The following ASB7 variants were observed in gnomAD, a reference collection of about 807,000 sequenced individuals.
ASB7 encodes the protein ankyrin repeat and SOCS box protein 7.
In ASB7, 4 loss-of-function variants were observed where a neutral mutation model predicts 32.5. The ratio of observed to expected loss-of-function variants is 0.12; its 90% CI spans 0.06 to 0.28. ASB7 has a LOEUF of 0.28. Among genes scored for constraint, ASB7 ranks in the 10% least tolerant of loss-of-function variants. The pLI is 1.00. For missense variants in ASB7, 181 were observed against 407.1 expected (o/e 0.44, Z 4.78); for synonymous variants, 172 against 155.6 (o/e 1.11, Z -0.78).
At chr15:100,619,630 A>G (rs1478862240) in intron 4 of ASB7, among the ~76,000 whole-genome samples, 1 of 152,214 alleles carries the variant, frequency 6.6e-6, no homozygotes. Flanking sequence ...TCACTCACCC[A>G]CCTAGAAATT....
At chr15:100,633,338 A>T (rs552488714) in intron 5 of ASB7, among the ~76,000 whole-genome samples, 9 of 152,010 alleles carry the variant, frequency 5.9e-5, no homozygotes, top group African/African-American at 1.9e-4. Context: ...GCACTTTGGG[A>T]GGCTGAGGCG....
chr15:100,646,282 C>T, intron 5 of ASB7: 1 of 392,970 alleles, frequency 2.5e-6, no homozygotes, highest in Non-Finnish European at 5.1e-6. Context: ...TTCCAAGGAC[C>T]AGATTCGAGA....
At chr15:100,636,673 C>T (rs564565453) in intron 5 of ASB7, among the ~76,000 whole-genome samples, 14 of 152,292 alleles carry the variant, frequency 9.2e-5, no homozygotes, top group Middle Eastern at 6.8e-3. Context: ...CAAGTCCCTC[C>T]GTTTTAAAAA....
rs569309804 is a variant in ASB7, at chr15:100,650,163, C to T, written c.*1701C>T. ...TGGCCCATAGACTCTTTGGCATAGACTCTTTCGCAGGCAGCCACTCTGAGT... is the reference window on the plus strand; with the variant it reads ...TGGCCCATAGACTCTTTGGCATAGATTCTTTCGCAGGCAGCCACTCTGAGT... On this transcript the variant is annotated 3_prime_UTR_variant, in exon 6 of 6. Transcript: ENST00000332783. The T allele has an allele frequency of 1.8e-4, 28 of 152,404 alleles. No homozygotes were observed. The highest frequency in any genetic ancestry group is 5.3e-4 in the African/African-American group (22 of 41,576). The allele number at this position is 152,404 out of a possible 1,614,324, so 9.4% of individuals were successfully genotyped here. A position where few individuals can be genotyped will look rare whatever the true frequency, so the allele number is the denominator to read the frequency against.
At chr15:100,639,029 C>A (rs1251155815) in intron 5 of ASB7, among the ~76,000 whole-genome samples, 1 of 152,152 alleles carries the variant, frequency 6.6e-6, no homozygotes, top group Non-Finnish European at 1.5e-5. Context: ...GGAGGCTGAG[C>A]TGAGGCAGTG....
At position 100,648,849 on chromosome 15, in the gene ASB7, T is replaced by C. The variant is rs2040012549; in HGVS notation, c.*387T>C. On this transcript the variant is annotated 3_prime_UTR_variant, in exon 6 of 6. Transcript: ENST00000332783. ...GTATTCTAAACCAGCAGAGCACTTG[T>C]TAACGTTTGGAGGCACAGTTTCACC... The C allele has an allele frequency of 6.5e-6, 1 of 154,596 alleles. No homozygotes were observed. The highest frequency in any genetic ancestry group is 1.4e-5 in the Non-Finnish European group (1 of 69,506). 9.6% of individuals were successfully genotyped at this position (154,596 alleles called of 1,614,324 possible). A position where few individuals can be genotyped will look rare whatever the true frequency, so the allele number is the denominator to read the frequency against.
chr15:100,628,935 C>T (rs1284777170), intron 4 of ASB7, among the ~76,000 whole-genome samples: 1 of 152,024 alleles, frequency 6.6e-6, no homozygotes, highest in East Asian at 1.9e-4. Context: ...CACAGAAAAA[C>T]TTTTTTTTAT....
At chr15:100,626,025 A>T (rs540687700) in intron 4 of ASB7, among the ~76,000 whole-genome samples, 1 of 152,332 alleles carries the variant, frequency 6.6e-6, no homozygotes, top group South Asian at 2.1e-4. Context: ...CTATTGATCT[A>T]AATGTGAGAG....
At chr15:100,603,620 C>G (rs568464675) in intron 2 of ASB7, among the ~76,000 whole-genome samples, 1 of 152,208 alleles carries the variant, frequency 6.6e-6, no homozygotes, top group African/African-American at 2.4e-5. Context: ...TGTAGCTACC[C>G]TCCCTTCCTT....
At chr15:100,633,691 A>C (rs902825900) in intron 5 of ASB7, among the ~76,000 whole-genome samples, 3 of 151,356 alleles carry the variant, frequency 2.0e-5, no homozygotes, top group Non-Finnish European at 4.4e-5. Context: ...AAGGAGGGGA[A>C]GGAAGGAGGA....
chr15:100,611,093 G>GT (rs1219403191), intron 3 of ASB7, among the ~76,000 whole-genome samples: 2 of 152,178 alleles, frequency 1.3e-5, no homozygotes, highest in Admixed American at 1.3e-4. Context: ...ATCCCAGGCT[G>GT]GAGTGCAGTG....
chr15:100,622,998 G>C (rs12911276), intron 4 of ASB7, among the ~76,000 whole-genome samples: 1 of 152,218 alleles, frequency 6.6e-6, no homozygotes, highest in Non-Finnish European at 1.5e-5. Context: ...TGAAGAGACA[G>C]CCTGTTGAAT....
chr15:100,638,133 T>TA (rs1385158939), intron 5 of ASB7, among the ~76,000 whole-genome samples: 2 of 152,174 alleles, frequency 1.3e-5, no homozygotes, highest in African/African-American at 4.8e-5. Context: ...GTCCTAAAAC[T>TA]AAAAAGCTGA....
intron 5 of ASB7, among the ~76,000 whole-genome samples, chr15:100,636,171 A>C (rs1471548072): frequency 1.3e-5 from 2 of 152,192 alleles, no homozygotes; most frequent in Non-Finnish European, 2.9e-5. Context: ...CTCCAGGTAC[A>C]CAGATCTCAG....
At chr15:100,630,847 A>G (rs1438569122) in intron 5 of ASB7, among the ~76,000 whole-genome samples, 1 of 152,210 alleles carries the variant, frequency 6.6e-6, no homozygotes, top group Non-Finnish European at 1.5e-5. Flanking sequence ...CCATGAAGCT[A>G]AAATCTGTAA....
intron 4 of ASB7, among the ~76,000 whole-genome samples, chr15:100,617,748 A>G (rs1277342359): frequency 6.6e-6 from 1 of 152,184 alleles, no homozygotes; most frequent in Non-Finnish European, 1.5e-5. Context: ...TCTTTATTTT[A>G]TGTCTATATC....
At chr15:100,641,952 G>T (rs766426729) in intron 5 of ASB7, among the ~76,000 whole-genome samples, 9 of 152,194 alleles carry the variant, frequency 5.9e-5, no homozygotes, top group African/African-American at 1.9e-4. Context: ...GCAAGTGGTG[G>T]TGGGGCCAGG....
At chr15:100,608,507 T>C (rs1000021242) in intron 2 of ASB7, among the ~76,000 whole-genome samples, 13 of 152,206 alleles carry the variant, frequency 8.5e-5, no homozygotes, top group Admixed American at 2.6e-4. Context: ...TCTTTGGCTA[T>C]TGAGGGATCT....
intron 4 of ASB7, among the ~76,000 whole-genome samples, chr15:100,617,222 A>G (rs907630070): frequency 6.6e-6 from 1 of 152,134 alleles, no homozygotes; most frequent in Non-Finnish European, 1.5e-5. Context: ...CCTCCCAACC[A>G]GTCTCCAAAT....
Sources: gnomAD v4.1 joint callset for allele counts (sites outside exome capture counted in the v4.1 genomes callset) on GRCh38, gnomAD v4.1.1 for gene constraint, MANE v1.5 for transcripts, NCBI Gene and HGNC (gene_info 2026-07-23, HGNC 2026-07-21) for gene names.